The following RLN2 variants were observed in gnomAD, a reference collection of about 807,000 sequenced individuals.
The protein encoded by RLN2 is prorelaxin H2.
In RLN2, 10 loss-of-function variants were observed where a neutral mutation model predicts 7.3. That is an observed-to-expected ratio of 1.36 (90% confidence interval 0.84 to 2.31). The LOEUF is 2.31. RLN2 is among the 30% of genes most tolerant of loss of function. The pLI, the probability that RLN2 is intolerant of heterozygous loss-of-function variation, is 0.00. For missense variants in RLN2, 298 were observed against 217.6 expected (o/e 1.37, Z -2.32); for synonymous variants, 103 against 82.3 (o/e 1.25, Z -1.36).
chr9:5,306,612 A>T (rs1816256810), upstream of RLN2, among the ~76,000 whole-genome samples: 1 of 152,040 alleles, frequency 6.6e-6, no homozygotes, highest in Non-Finnish European at 1.5e-5. Flanking sequence ...AAGGCATTTC[A>T]AGTCCTTTAA....
chr9:5,322,446 A>G, the RLN2 span, among the ~76,000 whole-genome samples: 1 of 152,038 alleles, frequency 6.6e-6, no homozygotes, highest in South Asian at 2.1e-4. Context: ...CCAAGGAGAG[A>G]AGTTAATTCT....
upstream of RLN2, among the ~76,000 whole-genome samples, chr9:5,307,323 G>A (rs558406754): frequency 1.3e-3 from 193 of 151,422 alleles, 3 homozygotes; most frequent in Non-Finnish European, 2.0e-3. Flanking sequence ...TAGATAGATA[G>A]TGTGTGTATA....
intron 1 of RLN2, among the ~76,000 whole-genome samples, chr9:5,302,969 C>T (rs368844265): frequency 0.011 from 1,472 of 131,994 alleles, 36 homozygotes; most frequent in African/African-American, 0.041. Context: ...TTAATATCTA[C>T]GAGTGCTTCT....
chr9:5,301,524 C>T (rs573657976), intron 1 of RLN2, among the ~76,000 whole-genome samples: 6 of 152,174 alleles, frequency 3.9e-5, no homozygotes, highest in East Asian at 1.9e-4. Context: ...ATTAGAAACA[C>T]GATGATGTTT....
At chr9:5,307,252 T>C (rs1042111511), upstream of RLN2, among the ~76,000 whole-genome samples, 8 of 143,970 alleles carry the variant, frequency 5.6e-5, no homozygotes, top group South Asian at 2.3e-4. Context: ...GATAGATAGA[T>C]GATAGATAGA....
chr9:5,321,003 T>C, the RLN2 span, among the ~76,000 whole-genome samples: 3 of 152,102 alleles, frequency 2.0e-5, no homozygotes, highest in African/African-American at 7.2e-5. Flanking sequence ...CACAACATGA[T>C]TCTCATCTTA....
chr9:5,300,163 T>G lies in RLN2; in HGVS notation c.493A>C (p.Ser165Arg), dbSNP rs776596951. 2 of 1,613,428 alleles carry G rather than the reference T, an allele frequency of 1.2e-6. No individual in the cohort carries two copies. Among genetic ancestry groups the G allele is most frequent in the Admixed American group, 1.7e-5 (1 of 59,876 alleles). ...TGGCAACATTTATTAGCCAATGCAC[T>G]GTAGAGTTGTCTCTTTTTTCGAGAA... ...THSRKKRQLY[S>R]ALANKCCHVG... The change falls in exon 2 of 2, where the codon AGT (serine) becomes CGT (arginine). Residue 165 changes from serine to arginine, a missense_variant. Ser to Arg is a moderately radical substitution (Grantham distance 110). Coordinates refer to ENST00000381627, the MANE Select transcript of RLN2 (RefSeq NM_134441.3).
At chr9:5,322,093 C>T in the RLN2 span, among the ~76,000 whole-genome samples, 1 of 152,110 alleles carries the variant, frequency 6.6e-6, no homozygotes, top group African/African-American at 2.4e-5. Flanking sequence ...CTGAACCACA[C>T]TGAGGAGTAG....
chr9:5,304,908 A>T (rs556282582), upstream of RLN2: 1 of 286,210 alleles, frequency 3.5e-6, no homozygotes, highest in East Asian at 7.4e-5. Flanking sequence ...AATTTAGTAT[A>T]CTGAGGTAAA....
chr9:5,325,840 A>T, the RLN2 span, among the ~76,000 whole-genome samples: 1 of 152,076 alleles, frequency 6.6e-6, no homozygotes, highest in Non-Finnish European at 1.5e-5. Context: ...CTGAAAGGTG[A>T]CATCAATTTT....
chr9:5,316,320 A>G, the RLN2 span, among the ~76,000 whole-genome samples: 3 of 150,732 alleles, frequency 2.0e-5, no homozygotes, highest in African/African-American at 7.3e-5. Flanking sequence ...TCTTTTTTTT[A>G]TTACACTTTA....
the RLN2 span, chr9:5,335,697 T>C: frequency 1.4e-6 from 1 of 701,082 alleles, no homozygotes; most frequent in Non-Finnish European, 2.3e-6. Flanking sequence ...AAGAAAGCAT[T>C]GCCTCAATAT....
At chr9:5,324,902 C>T in the RLN2 span, among the ~76,000 whole-genome samples, 1 of 151,906 alleles carries the variant, frequency 6.6e-6, no homozygotes, top group Admixed American at 6.6e-5. Context: ...TGCTATTCAG[C>T]CATATGATGT....
chr9:5,316,785 T>A, the RLN2 span, among the ~76,000 whole-genome samples: 2 of 152,018 alleles, frequency 1.3e-5, no homozygotes, highest in Non-Finnish European at 2.9e-5. Context: ...GCAGAATGAT[T>A]TATAATCCTT....
At chr9:5,329,455 G>C in the RLN2 span, among the ~76,000 whole-genome samples, 2 of 151,054 alleles carry the variant, frequency 1.3e-5, no homozygotes, top group African/African-American at 4.9e-5. Context: ...AAAAGAGACA[G>C]ACTGGCAAAC....
upstream of RLN2, among the ~76,000 whole-genome samples, chr9:5,306,882 C>G (rs569526033): frequency 4.1e-4 from 62 of 152,200 alleles, no homozygotes; most frequent in South Asian, 1.7e-3. Flanking sequence ...GTGTCTCTTA[C>G]AAGTAGCAGT....
chr9:5,327,463 C>T, the RLN2 span, among the ~76,000 whole-genome samples: 1 of 152,066 alleles, frequency 6.6e-6, no homozygotes. Flanking sequence ...TAGACTCCAC[C>T]TCTAGCGGCA....
At chr9:5,308,378 C>T (rs1315480488), upstream of RLN2, among the ~76,000 whole-genome samples, 1 of 151,712 alleles carries the variant, frequency 6.6e-6, no homozygotes, top group African/African-American at 2.4e-5. Flanking sequence ...AAAGAATCAC[C>T]CCTGGCCAGG....
At chr9:5,308,891 G>C (rs1323717132), upstream of RLN2, among the ~76,000 whole-genome samples, 1 of 152,006 alleles carries the variant, frequency 6.6e-6, no homozygotes, top group African/African-American at 2.4e-5. Flanking sequence ...GGTAACCAGG[G>C]GTCACCTTAC....
Sources: gnomAD v4.1 joint callset for allele counts (sites outside exome capture counted in the v4.1 genomes callset) on GRCh38, gnomAD v4.1.1 for gene constraint, MANE v1.5 for transcripts, NCBI Gene and HGNC (gene_info 2026-07-23, HGNC 2026-07-21) for gene names.